Variants in AFAP1 observed in about 807,000 individuals in gnomAD.
AFAP1 encodes actin filament-associated protein 1.
AFAP1 carries 75 observed loss-of-function variants against 93.9 expected under a neutral mutation model. The ratio of observed to expected loss-of-function variants is 0.80; its 90% CI spans 0.66 to 0.97. The LOEUF (loss-of-function observed/expected upper bound fraction) is 0.97, where lower values mean the gene tolerates loss of function less well. AFAP1 is among the 50% of genes least tolerant of loss of function. AFAP1 has a pLI of 0.00. For missense variants in AFAP1, 1,201 were observed against 1,050.8 expected (o/e 1.14, Z -1.98); for synonymous variants, 517 against 430.7 (o/e 1.20, Z -2.48).
At chr4:7,932,962 G>A (rs1041096290) in intron 1 of AFAP1, among the ~76,000 whole-genome samples, 2 of 145,950 alleles carry the variant, frequency 1.4e-5, no homozygotes, top group South Asian at 2.2e-4. Context: ...GGAAGTTGTG[G>A]TGAGCCGAGA....
chr4:7,784,428 G>T (rs576722361), intron 12 of AFAP1, among the ~76,000 whole-genome samples: 14 of 152,234 alleles, frequency 9.2e-5, no homozygotes, highest in African/African-American at 2.9e-4. Context: ...AGACTCAAAG[G>T]CCCTTTCAGG....
At position 7,868,735 on chromosome 4, in the gene AFAP1, A is replaced by G. The variant is rs376296212; in HGVS notation, c.128-16T>C. 2.9e-5 allele frequency: 46 copies of G among 1,609,398 alleles called. No individual in the cohort carries two copies. The highest frequency in any genetic ancestry group is 1.5e-4 in the African/African-American group (11 of 74,714). ...ACATCAAAACCTGTAAGAATTAACC[A>G]GAACCACAGAACTGGATGAGGATGG... On this transcript the variant is annotated splice_polypyrimidine_tract_variant and intron_variant, in intron 2 of 17. Transcript: ENST00000420658.
chr4:7,840,647 G>C (rs1712903674), intron 5 of AFAP1, among the ~76,000 whole-genome samples: 1 of 152,102 alleles, frequency 6.6e-6, no homozygotes, highest in Non-Finnish European at 1.5e-5. Flanking sequence ...GGACTTTGAA[G>C]TACACAGATA....
chr4:7,912,163 G>C (rs1029146542), intron 1 of AFAP1, among the ~76,000 whole-genome samples: 1 of 152,204 alleles, frequency 6.6e-6, no homozygotes, highest in Non-Finnish European at 1.5e-5. Context: ...AGTGGTATCC[G>C]GGACCTGGGT....
At chr4:7,889,484 T>C (rs28752120) in intron 1 of AFAP1, among the ~76,000 whole-genome samples, 63,302 of 138,578 alleles carry the variant, frequency 0.46, 16,202 homozygotes, top group Non-Finnish European at 0.6. Context: ...ACCCAGGAGG[T>C]GGAGGTTGCA....
chr4:7,767,289 C>T (rs1049743051), intron 17 of AFAP1, among the ~76,000 whole-genome samples: 9 of 152,100 alleles, frequency 5.9e-5, no homozygotes, highest in African/African-American at 1.2e-4. Context: ...CAAAAGGGAG[C>T]GGGGGGCCTG....
chr4:7,881,698 A>C (rs572564481), intron 1 of AFAP1, among the ~76,000 whole-genome samples: 1 of 151,954 alleles, frequency 6.6e-6, no homozygotes, highest in East Asian at 1.9e-4. Context: ...CAGGAGAATC[A>C]CTTGAATCCG....
chr4:7,848,825 A>T (rs1026986371), intron 4 of AFAP1, among the ~76,000 whole-genome samples: 8 of 152,236 alleles, frequency 5.3e-5, no homozygotes, highest in African/African-American at 1.9e-4. Context: ...CATGGGCAGG[A>T]ATTGCTATCA....
chr4:7,807,418 C>A (rs1438121395), intron 9 of AFAP1, among the ~76,000 whole-genome samples: 1 of 152,190 alleles, frequency 6.6e-6, no homozygotes, highest in Non-Finnish European at 1.5e-5. Flanking sequence ...TTCACCCTCC[C>A]CATTCCGTGC....
chr4:7,900,673 T>C (rs1051503411), intron 1 of AFAP1, among the ~76,000 whole-genome samples: 5 of 152,354 alleles, frequency 3.3e-5, no homozygotes, highest in South Asian at 2.1e-4. Flanking sequence ...GGGTACCTTG[T>C]AACCAACAAG....
At chr4:7,787,957 G>GC (rs148090986) in intron 11 of AFAP1, among the ~76,000 whole-genome samples, 28,550 of 152,112 alleles carry the variant, frequency 0.19, 3,356 homozygotes, top group African/African-American at 0.32. Context: ...CGTGGGTGCT[G>GC]CCCCCCAGGA....
chr4:7,817,932 CTA>C (rs1259578452), intron 7 of AFAP1, among the ~76,000 whole-genome samples: 2 of 152,064 alleles, frequency 1.3e-5, no homozygotes, highest in African/African-American at 2.4e-5. Context: ...ATTTATGTTT[CTA>C]TGAGCTTTCT....
intron 4 of AFAP1, among the ~76,000 whole-genome samples, chr4:7,852,099 CA>C (rs1344556937): frequency 1.3e-5 from 2 of 152,126 alleles, no homozygotes; most frequent in African/African-American, 4.8e-5. Flanking sequence ...TAGTGCCAGC[CA>C]ACTGGTGATA....
At chr4:7,781,687 A>G (rs1716790405) in intron 12 of AFAP1, 60 bp from the exon 13 acceptor site, 1 of 1,536,940 alleles carries the variant, frequency 6.5e-7, no homozygotes, top group Non-Finnish European at 8.8e-7. Flanking sequence ...AGCTTTTAGC[A>G]CAGTGAGATG....
Position 7,924,808 on chromosome 4 carries a change from C to G in AFAP1, c.-3+14848G>C, listed in dbSNP as rs191731300. Among the ~76,000 whole-genome samples the G allele has an allele frequency of 3.8e-4, 58 of 152,268 alleles. No individual in the cohort carries two copies. The East Asian group carries it at 9.1e-3, about 24-fold the overall frequency. On this transcript the variant is annotated intron_variant, in intron 1 of 17. Coordinates refer to ENST00000420658, the MANE Select transcript of AFAP1 (RefSeq NM_001134647.2). ...GACAGGAAGCCAGACTCTTCTCTCT[C>G]GACAACCCAGAAAGCTAAATGACAA...
At chr4:7,917,198 T>C (rs1458559746) in intron 1 of AFAP1, among the ~76,000 whole-genome samples, 1 of 152,138 alleles carries the variant, frequency 6.6e-6, no homozygotes, top group Non-Finnish European at 1.5e-5. Context: ...CCACTGAAGG[T>C]GAGTTATCTT....
chr4:7,789,196 T>A (rs1230423260), intron 11 of AFAP1, among the ~76,000 whole-genome samples: 6 of 152,130 alleles, frequency 3.9e-5, no homozygotes, highest in Non-Finnish European at 8.8e-5. Flanking sequence ...GAGGCCTCGG[T>A]CTTGTGCTTG....
At chr4:7,859,057 C>A (rs927094191) in intron 3 of AFAP1, among the ~76,000 whole-genome samples, 2 of 152,226 alleles carry the variant, frequency 1.3e-5, no homozygotes, top group Non-Finnish European at 2.9e-5. Context: ...CGTGCACATG[C>A]CCCTAACACG....
In AFAP1 at chr4:7,843,349, A is replaced by G. The variant is rs1294369627; in HGVS notation, c.336T>C (p.Asn112=). 1 of 1,610,816 alleles carries G rather than the reference A, an allele frequency of 6.2e-7. No homozygotes were observed. The highest frequency in any genetic ancestry group is 2.2e-5 in the East Asian group (1 of 44,844). ...AGCTGCTCATCGCATCGGAATCATA[A>G]TCTGTAAAAAATAAACATACACTGG... ...PGKAPEYITS[N]YDSDAMSSSY... The change falls in exon 5 of 18, where the codon AAT becomes AAC. Residue 112 remains asparagine, a splice_region_variant and synonymous_variant. Coordinates refer to ENST00000420658, the MANE Select transcript of AFAP1 (RefSeq NM_001134647.2).
Sources: allele counts gnomAD v4.1 joint callset (sites outside exome capture counted in the v4.1 genomes callset), GRCh38; gene constraint gnomAD v4.1.1; transcripts MANE v1.5; gene names NCBI Gene and HGNC (gene_info 2026-07-23, HGNC 2026-07-21).